Variants in ATP6V1B2 observed in about 807,000 individuals in gnomAD.
The protein encoded by ATP6V1B2 is V-type proton ATPase subunit B, brain isoform.
Under a neutral mutation model 66.7 loss-of-function variants are expected in ATP6V1B2, and 23 were observed. That is an observed-to-expected ratio of 0.34 (90% CI 0.25 to 0.49). ATP6V1B2 has a LOEUF of 0.49. Ranked by LOEUF, ATP6V1B2 falls within the 20% of genes least tolerant of loss-of-function variation. The pLI is 0.99. For synonymous variants in ATP6V1B2, 278 were observed against 236.7 expected (o/e 1.17, Z -1.60); for missense variants, 478 against 650.8 (o/e 0.73, Z 2.89).
chr8:20,211,132 T>C, intron 5 of ATP6V1B2, 45 bp from the exon 6 acceptor site: 1 of 1,590,924 alleles, frequency 6.3e-7, no homozygotes, highest in Non-Finnish European at 8.5e-7. Flanking sequence ...CATTCATGAA[T>C]AATGCGGCAA....
intron 2 of ATP6V1B2, 29 bp from the exon 3 acceptor site, chr8:20,209,404 A>T: frequency 1.2e-6 from 2 of 1,602,172 alleles, no homozygotes; most frequent in Non-Finnish European, 8.5e-7. Context: ...AAAATGTCGG[A>T]TATTGATCCT....
At position 20,220,610 on chromosome 8, in the gene ATP6V1B2, G is replaced by C. The variant is rs2072898075; in HGVS notation, c.*208G>C. The C allele has an allele frequency of 3.1e-6, 2 of 645,122 alleles. No individual in the cohort carries two copies. The highest frequency in any genetic ancestry group is 6.9e-5 in the East Asian group (2 of 28,880). The allele number at this position is 645,122 out of a possible 1,614,324, so 40.0% of individuals were successfully genotyped here. ...ATATCCCCCTACCTGGGTCCTCAGT[G>C]CTATGTTTAAAGTGCTGCAGGGATG... is the stretch of plus-strand genomic sequence containing the variant. On this transcript the variant is annotated 3_prime_UTR_variant, in exon 14 of 14. Coordinates refer to ENST00000276390, the MANE Select transcript of ATP6V1B2 (RefSeq NM_001693.4).
chr8:20,216,747 G>T, intron 11 of ATP6V1B2: 1 of 333,732 alleles, frequency 3.0e-6, no homozygotes, highest in Non-Finnish European at 5.5e-6. Context: ...GAACTTTTTT[G>T]GGAATTCTGT....
At chr8:20,212,487 G>T (rs1427897082) in intron 8 of ATP6V1B2, among the ~76,000 whole-genome samples, 1 of 152,102 alleles carries the variant, frequency 6.6e-6, no homozygotes, top group East Asian at 1.9e-4. Context: ...CTCTGTAAAT[G>T]ATTTTTTCCT....
intron 1 of ATP6V1B2, among the ~76,000 whole-genome samples, chr8:20,199,727 C>T (rs1304902686): frequency 1.3e-5 from 2 of 149,980 alleles, no homozygotes; most frequent in African/African-American, 4.9e-5. Flanking sequence ...TCTCCTGCGT[C>T]AGCCTTTCGA....
Position 20,210,531 on chromosome 8 carries a change from C to G in ATP6V1B2, c.386-38C>G, listed in dbSNP as rs1585250523. The G allele has an allele frequency of 1.9e-6, 3 of 1,609,332 alleles. No homozygotes were observed. In the East Asian group the frequency reaches 6.7e-5, roughly 36 times the overall value. On this transcript the variant is annotated intron_variant, in intron 4 of 13. Transcript: ENST00000276390. ...TTAAAAATTATGAACATTTGAAAGT[C>G]AGCATCTACTCTGTCCTGTCTTCTT...
intron 9 of ATP6V1B2, 45 bp downstream of exon 9, chr8:20,212,950 T>A: frequency 6.2e-7 from 1 of 1,610,736 alleles, no homozygotes; most frequent in African/African-American, 1.3e-5. Context: ...AATTGGTTAA[T>A]TTTCAGGGTT....
At chr8:20,212,659 TCTC>T in intron 8 of ATP6V1B2, 120 bp from the exon 9 acceptor site, 2 of 1,351,164 alleles carry the variant, frequency 1.5e-6, no homozygotes, top group Non-Finnish European at 2.0e-6. Flanking sequence ...ACTGCTTTAC[TCTC>T]CTCAATTCAT....
In ATP6V1B2 at chr8:20,210,721, A is replaced by G. The variant is rs1262113691; in HGVS notation, c.463+75A>G. 3 of 1,357,194 alleles carry G rather than the reference A, an allele frequency of 2.2e-6. No individual in the cohort carries two copies. In the African/African-American group the frequency reaches 4.3e-5, roughly 20 times the overall value. The allele number at this position is 1,357,194 out of a possible 1,614,324, so 84.1% of individuals were successfully genotyped here. On this transcript the variant is annotated intron_variant, in intron 5 of 13. Coordinates refer to ENST00000276390, the MANE Select transcript of ATP6V1B2 (RefSeq NM_001693.4). ...TGTCTTGTACCTTTGCCAGATAGAG[A>G]GTGTTTTTTGTGATATCACTTAAAG...
In ATP6V1B2 at chr8:20,216,511, A is replaced by C; in HGVS notation, c.1161+16A>C. On this transcript the variant is annotated intron_variant, in intron 11 of 13. Transcript: ENST00000276390. Reference sequence around the variant, plus strand: ...CAACAGACAGGTACTGGACGGGAGCAGTGCTGGGAAGCTTGCAGACCTGCT... The same window carrying C: ...CAACAGACAGGTACTGGACGGGAGCCGTGCTGGGAAGCTTGCAGACCTGCT... 1 of 1,605,792 alleles carries C rather than the reference A, an allele frequency of 6.2e-7. No homozygotes were observed. Among genetic ancestry groups the C allele is most frequent in the Non-Finnish European group, 8.5e-7 (1 of 1,173,644 alleles).
chr8:20,199,222 T>C (rs2072658900), intron 1 of ATP6V1B2, among the ~76,000 whole-genome samples: 1 of 152,242 alleles, frequency 6.6e-6, no homozygotes, highest in Non-Finnish European at 1.5e-5. Flanking sequence ...CCAGACGTTA[T>C]TCTTGACAAA....
chr8:20,209,355 G>A lies in ATP6V1B2; in HGVS notation c.193-78G>A, dbSNP rs530349293. ...AGGGTTCCATATTCAGACACAACAT[G>A]GGAGAGACAGAGCATGTGTAGTAAT... On this transcript the variant is annotated intron_variant, in intron 2 of 13. Coordinates refer to ENST00000276390, the MANE Select transcript of ATP6V1B2 (RefSeq NM_001693.4). The A allele has an allele frequency of 1.9e-5, 27 of 1,390,094 alleles. No homozygotes were observed. In the African/African-American group the frequency reaches 3.9e-4, roughly 20 times the overall value. 86.1% of individuals were successfully genotyped at this position (1,390,094 alleles called of 1,614,324 possible).
Position 20,220,337 on chromosome 8 carries a change from A to G in ATP6V1B2, c.1471A>G (p.Met491Val), listed in dbSNP as rs986539797. The change falls in exon 14 of 14, where the codon ATG (methionine) becomes GTG (valine). Residue 491 changes from methionine (M) to valine (V), a missense_variant. Around this residue, in one of 2 missense-constraint regions of ATP6V1B2, gnomAD observed 326 missense variants for 545.6 expected, o/e 0.60. Coordinates refer to ENST00000276390, the MANE Select transcript of ATP6V1B2 (RefSeq NM_001693.4). ...GCTACTCCGAATCTTCCCCAAAGAA[A>G]TGCTGAAGAGAATCCCTCAGAGCAC... ...WQLLRIFPKE[M>V]LKRIPQSTLS... 5 of 1,605,624 alleles carry G rather than the reference A, an allele frequency of 3.1e-6. No individual in the cohort carries two copies. Among genetic ancestry groups the G allele is most frequent in the Non-Finnish European group, 3.4e-6 (4 of 1,177,164 alleles).
At chr8:20,217,542 A>G (rs1053152567) in intron 12 of ATP6V1B2, among the ~76,000 whole-genome samples, 7 of 152,204 alleles carry the variant, frequency 4.6e-5, no homozygotes, top group Non-Finnish European at 8.8e-5. Context: ...ACCCATGTCT[A>G]ATGCTATCAA....
intron 1 of ATP6V1B2, chr8:20,204,180 G>T: frequency 5.1e-6 from 2 of 393,942 alleles, no homozygotes; most frequent in South Asian, 2.3e-5. Context: ...CCACCCCCTC[G>T]CATAAGACTG....
rs919616326 is a variant in ATP6V1B2, at chr8:20,220,266, C to A, written c.1400C>A (p.Pro467His). 2.8e-5 allele frequency: 45 copies of A among 1,600,330 alleles called. No homozygotes were observed. Among genetic ancestry groups the A allele is most frequent in the Non-Finnish European group, 3.7e-5 (44 of 1,176,064 alleles). ...KFERNFIAQGPYENRTVFETL... is the reference protein window; with the variant it reads ...KFERNFIAQGHYENRTVFETL... The stretch of plus-strand genomic sequence containing the variant: ...AATTCAATCTCAATTTTTTAAGGTC[C>A]TTACGAAAATCGCACTGTCTTTGAG... The change falls in exon 14 of 14, where the codon CCT (proline) becomes CAT (histidine). Residue 467 changes from proline to histidine, a missense_variant. By Grantham distance (77) the Pro-to-His change is moderately conservative (BLOSUM62 -2). Transcript: ENST00000276390.
chr8:20,201,909 G>C (rs942561731), intron 1 of ATP6V1B2, among the ~76,000 whole-genome samples: 2 of 152,148 alleles, frequency 1.3e-5, no homozygotes, highest in African/African-American at 2.4e-5. Context: ...GGCATCACAT[G>C]GTGAGGGGGC....
At chr8:20,198,075 T>C (rs1289269892) in intron 1 of ATP6V1B2, among the ~76,000 whole-genome samples, 1 of 152,144 alleles carries the variant, frequency 6.6e-6, no homozygotes, top group Non-Finnish European at 1.5e-5. Context: ...TGGTGTTTGG[T>C]GGAGGGGCTG....
intron 2 of ATP6V1B2, among the ~76,000 whole-genome samples, chr8:20,208,454 T>C (rs1487722042): frequency 1.3e-5 from 2 of 152,220 alleles, no homozygotes; most frequent in South Asian, 4.1e-4. Context: ...ATGATGCATC[T>C]TTCAATAAAT....
Sources: gnomAD v4.1 joint callset for allele counts (sites outside exome capture counted in the v4.1 genomes callset) on GRCh38, gnomAD v4.1.1 for gene constraint, gnomAD v4.1.1 regional missense constraint, MANE v1.5 for transcripts, NCBI Gene and HGNC (gene_info 2026-07-23, HGNC 2026-07-21) for gene names.